The following CUBN variants were observed in gnomAD, a reference collection of about 807,000 sequenced individuals.
CUBN encodes the protein 460 kDa receptor.
In CUBN, 282 loss-of-function variants were observed where a neutral mutation model predicts 405.3. The ratio of observed to expected loss-of-function variants is 0.70; its 90% CI spans 0.63 to 0.77. The LOEUF (loss-of-function observed/expected upper bound fraction) is 0.77, where lower values mean the gene tolerates loss of function less well. Among genes scored for constraint, CUBN ranks in the 30% least tolerant of loss-of-function variants. The pLI is 0.00. For missense variants in CUBN, 4,514 were observed against 4,475.2 expected (o/e 1.01, Z -0.25); for synonymous variants, 1,684 against 1,617.0 (o/e 1.04, Z -0.99).
rs769333555 is a variant in CUBN, at chr10:17,114,130, G to A, written c.780C>T (p.Cys260=). ...AGCTGCACTCGTCTCTGTCCAGCGT[G>A]CAGGCAGGGCTGTTGGGTGAAAACA... The part of the protein sequence containing the change: ...GWMFSPNSPA[C]TLDRDECSFQ... Residue 260 remains cysteine (C), a synonymous_variant, in exon 8 of 67, where the codon TGC becomes TGT. Transcript: ENST00000377833. The A allele has an allele frequency of 3.1e-6, 5 of 1,613,710 alleles. No homozygotes were observed. The highest frequency in any genetic ancestry group is 4.2e-6 in the Non-Finnish European group (5 of 1,179,862).
chr10:16,849,973 T>C (rs1177794218), intron 60 of CUBN, among the ~76,000 whole-genome samples: 1 of 152,260 alleles, frequency 6.6e-6, no homozygotes, highest in Non-Finnish European at 1.5e-5. Context: ...GGCCATCTTA[T>C]TTCTTGCTAC....
chr10:16,931,222 C>A (rs1289454778), intron 40 of CUBN, among the ~76,000 whole-genome samples: 1 of 151,688 alleles, frequency 6.6e-6, no homozygotes, highest in Non-Finnish European at 1.5e-5. Flanking sequence ...CAAGATAGCG[C>A]CACTGCAGTC....
intron 22 of CUBN, among the ~76,000 whole-genome samples, chr10:17,053,489 T>C (rs935598519): frequency 8.6e-5 from 13 of 151,970 alleles, no homozygotes; most frequent in Non-Finnish European, 1.3e-4. Flanking sequence ...TAGAAAGACA[T>C]TTCATAATGA....
chr10:17,065,665 G>T, intron 21 of CUBN, 27 bp from the exon 22 acceptor site: 1 of 1,612,400 alleles, frequency 6.2e-7, no homozygotes, highest in Non-Finnish European at 8.5e-7. Context: ...AAGGACAGAT[G>T]TGTGTATTTT....
intron 66 of CUBN, 81 bp from the exon 67 acceptor site, chr10:16,825,163 G>A (rs1838738101): frequency 1.1e-6 from 1 of 927,826 alleles, no homozygotes; most frequent in South Asian, 1.4e-5. Flanking sequence ...TAGTAACAAA[G>A]TACCACATAA....
In CUBN at chr10:16,835,020, GA is replaced by G. The variant is rs1424834102; in HGVS notation, c.10355del (p.Phe3452SerfsTer4). 1 of 1,613,612 alleles carries G rather than the reference GA, an allele frequency of 6.2e-7. No homozygotes were observed. The highest frequency in any genetic ancestry group is 1.3e-5 in the African/African-American group (1 of 74,888). On this transcript the variant is annotated frameshift_variant, in exon 64 of 67. Coordinates refer to ENST00000377833, the MANE Select transcript of CUBN (RefSeq NM_001081.4). LOFTEE classifies it high-confidence loss of function. ...IENSVECRND[F>X]LEVRNGSNSN... is the part of the protein sequence containing the mutation. ...ATATTCAAATGCATATCACCTCCAA[GA>G]AATCGTTTCTGCATTCAACTGAGTT...
intron 29 of CUBN, among the ~76,000 whole-genome samples, chr10:16,988,925 T>C (rs1041980545): frequency 6.6e-6 from 1 of 152,212 alleles, no homozygotes; most frequent in African/African-American, 2.4e-5. Context: ...TGGAACGATT[T>C]AATGTTTAAA....
intron 22 of CUBN, among the ~76,000 whole-genome samples, chr10:17,063,772 T>C (rs1452384625): frequency 6.6e-6 from 1 of 152,238 alleles, no homozygotes; most frequent in Non-Finnish European, 1.5e-5. Flanking sequence ...GCCTGTATTA[T>C]ATGTTATCTA....
chr10:16,963,014 C>T (rs561715065), intron 31 of CUBN, among the ~76,000 whole-genome samples: 1 of 152,054 alleles, frequency 6.6e-6, no homozygotes, highest in Admixed American at 6.5e-5. Context: ...TCAGAGACCT[C>T]ATCTAAAAAT....
chr10:16,856,036 C>G (rs1408734641), intron 59 of CUBN, among the ~76,000 whole-genome samples: 1 of 152,150 alleles, frequency 6.6e-6, no homozygotes, highest in African/African-American at 2.4e-5. Context: ...CCACATTGCT[C>G]TTTCTGTGTT....
At chr10:17,054,939 T>A (rs922595257) in intron 22 of CUBN, among the ~76,000 whole-genome samples, 9 of 152,086 alleles carry the variant, frequency 5.9e-5, no homozygotes, top group Non-Finnish European at 1.2e-4. Flanking sequence ...ATTTTCTAAC[T>A]AACAAGACCA....
intron 22 of CUBN, among the ~76,000 whole-genome samples, chr10:17,056,563 C>T (rs1057136418): frequency 2.6e-5 from 4 of 151,644 alleles, no homozygotes; most frequent in Non-Finnish European, 5.9e-5. Context: ...GAGCCGAGAT[C>T]GCACCACCGG....
chr10:17,104,348 G>T, intron 12 of CUBN, 71 bp downstream of exon 12: 1 of 1,416,114 alleles, frequency 7.1e-7, no homozygotes, highest in Non-Finnish European at 1.0e-6. Flanking sequence ...AGAGGAATCT[G>T]TTGAGGGACT....
chr10:16,849,843 T>C (rs962294784), intron 60 of CUBN, among the ~76,000 whole-genome samples: 1 of 152,150 alleles, frequency 6.6e-6, no homozygotes. Flanking sequence ...CCCTAGCTAC[T>C]GCTGTTGTCA....
At chr10:17,045,578 A>C (rs1471069451) in intron 24 of CUBN, among the ~76,000 whole-genome samples, 2 of 151,828 alleles carry the variant, frequency 1.3e-5, no homozygotes, top group African/African-American at 4.8e-5. Flanking sequence ...TATGTTTAGT[A>C]GAGACTATGT....
chr10:16,952,048 C>A lies in CUBN; in HGVS notation c.4969+228G>T, dbSNP rs2271469. Among the ~76,000 whole-genome samples, 70,929 of 151,872 alleles carry A rather than the reference C, an allele frequency of 0.47. 16,913 individuals carry two copies. The highest frequency in any genetic ancestry group is 0.54 in the South Asian group (2,602 of 4,820). Reference sequence around the variant, plus strand: ...TTTTTTAACCTTTGCTAGGCCTTGACATGAAAAAAAAGAAATTGTTTTTAA... The same window carrying A: ...TTTTTTAACCTTTGCTAGGCCTTGAAATGAAAAAAAAGAAATTGTTTTTAA... On this transcript the variant is annotated intron_variant, in intron 33 of 66. Coordinates refer to ENST00000377833, the MANE Select transcript of CUBN (RefSeq NM_001081.4).
At chr10:16,984,048 T>G in intron 30 of CUBN, 57 bp downstream of exon 30, 3 of 1,588,126 alleles carry the variant, frequency 1.9e-6, no homozygotes, top group Non-Finnish European at 1.7e-6. Context: ...AAGCATTTCA[T>G]GAAATTTAAC....
intron 28 of CUBN, among the ~76,000 whole-genome samples, chr10:16,997,045 C>CTT (rs147423439): frequency 6.6e-6 from 1 of 152,138 alleles, no homozygotes; most frequent in Non-Finnish European, 1.5e-5. Context: ...ATTTTAATAG[C>CTT]TTTTTTTCTA....
intron 4 of CUBN, among the ~76,000 whole-genome samples, chr10:17,124,980 T>C (rs1270043328): frequency 6.6e-6 from 1 of 151,906 alleles, no homozygotes; most frequent in Non-Finnish European, 1.5e-5. Context: ...TACAGGAATG[T>C]CCCACTACGC....
Sources: allele counts gnomAD v4.1 joint callset (sites outside exome capture counted in the v4.1 genomes callset), GRCh38; gene constraint gnomAD v4.1.1; transcripts MANE v1.5; gene names NCBI Gene and HGNC (gene_info 2026-07-23, HGNC 2026-07-21).